Variants in LRRC41 observed in about 807,000 individuals in gnomAD.
The protein encoded by LRRC41 is leucine rich repeat containing 41.
Under a neutral mutation model 72.1 loss-of-function variants are expected in LRRC41, and 17 were observed. That is an observed-to-expected ratio of 0.24 (90% confidence interval 0.16 to 0.35). LRRC41 has a LOEUF of 0.35. Among genes scored for constraint, LRRC41 ranks in the 10% least tolerant of loss-of-function variants. The probability of loss-of-function intolerance (pLI) is 1.00; values close to 1 mark genes in which losing one functional copy is unlikely to be tolerated. For synonymous variants in LRRC41, 427 were observed against 431.0 expected (o/e 0.99, Z 0.11); for missense variants, 759 against 1,065.0 (o/e 0.71, Z 4.00).
chr1:46,293,711 A>C (rs537137651), intron 3 of LRRC41, among the ~76,000 whole-genome samples: 156 of 152,112 alleles, frequency 1.0e-3, no homozygotes, highest in African/African-American at 3.5e-3. Context: ...CTTGGATTAC[A>C]GGTGTGTGCC....
intron 3 of LRRC41, among the ~76,000 whole-genome samples, chr1:46,294,416 CTTTT>C (rs943874224): frequency 3.3e-5 from 5 of 151,624 alleles, no homozygotes; most frequent in Non-Finnish European, 7.4e-5. Context: ...CCCTTTCTTT[CTTTT>C]TTTAAGAGAC....
chr1:46,302,142 GC>G lies in LRRC41; in HGVS notation c.199+981del, dbSNP rs1460164764. 8.1e-5 allele frequency: 80 copies of G among 985,016 alleles called. No homozygotes were observed. Among genetic ancestry groups the G allele is most frequent in the Non-Finnish European group, 9.2e-5 (76 of 829,816 alleles). 61.0% of individuals were successfully genotyped at this position (985,016 alleles called of 1,614,324 possible). A position where few individuals can be genotyped will look rare whatever the true frequency, so the allele number is the denominator to read the frequency against. Reference sequence around the variant, plus strand: ...GCGCCCCAGGCCGCCCTCCATCCAGGCCCGGCCCTTTGGTCCCGGCCGCCTT... The same window carrying G: ...GCGCCCCAGGCCGCCCTCCATCCAGGCCGGCCCTTTGGTCCCGGCCGCCTT... On this transcript the variant is annotated intron_variant, in intron 1 of 9. Transcript: ENST00000617190. This position sits in a 1 kb window ranked among gnomAD's most constrained non-coding sequence, Gnocchi z 4.7.
chr1:46,303,162 A>T lies in LRRC41; in HGVS notation c.161T>A (p.Val54Glu). The change falls in exon 1 of 10, where the codon GTG becomes GAG. Residue 54 changes from valine (V) to glutamate (E), a missense_variant. This residue lies in a region of LRRC41 where 116 missense variants were observed against 250.9 expected (regional missense o/e 0.46). Coordinates refer to ENST00000617190, the MANE Select transcript of LRRC41 (RefSeq NM_006369.5). ...PALFELCGRAVSAHMGVLESG... is the reference protein window; with the variant it reads ...PALFELCGRAESAHMGVLESG... ...CTCCAGAACCCCCATATGGGCGCTC[A>T]CCGCCCGCCCGCACAGCTCGAACAG... is the stretch of plus-strand genomic sequence containing the variant. 6.5e-7 allele frequency: 1 copy of T among 1,538,456 alleles called. No individual in the cohort carries two copies. The highest frequency in any genetic ancestry group is 1.2e-5 in the South Asian group (1 of 82,886).
chr1:46,278,551 A>T lies in LRRC41; in HGVS notation c.*314T>A. The T allele has an allele frequency of 1.6e-6, 1 of 612,690 alleles. No homozygotes were observed. The highest frequency in any genetic ancestry group is 2.7e-5 in the East Asian group (1 of 36,422). 38.0% of individuals were successfully genotyped at this position (612,690 alleles called of 1,614,324 possible). A position where few individuals can be genotyped will look rare whatever the true frequency, so the allele number is the denominator to read the frequency against. ...TCTCTAAAGCCTGGGTGCCTGCTTG[A>T]GGAGGGAAGGCAGGAACCCAGGGGC... On this transcript the variant is annotated 3_prime_UTR_variant, in exon 10 of 10. Coordinates refer to ENST00000617190, the MANE Select transcript of LRRC41 (RefSeq NM_006369.5).
intron 3 of LRRC41, among the ~76,000 whole-genome samples, chr1:46,288,762 T>A (rs1231122112): frequency 6.6e-6 from 1 of 152,214 alleles, no homozygotes; most frequent in African/African-American, 2.4e-5. Flanking sequence ...TTGAAATAAC[T>A]GCATAGCAGC....
chr1:46,300,735 C>A (rs1249293145), intron 1 of LRRC41: 2 of 152,292 alleles, frequency 1.3e-5, no homozygotes, highest in Non-Finnish European at 2.9e-5. Context: ...CTCATTGTAC[C>A]CTTTCCTGCT....
intron 1 of LRRC41, 93 bp from the exon 2 acceptor site, chr1:46,298,463 T>C: frequency 2.8e-6 from 2 of 704,562 alleles, no homozygotes; most frequent in African/African-American, 1.8e-5. Flanking sequence ...GAAAGGAAAA[T>C]GGAAGGGTAG....
chr1:46,280,353 C>T (rs1200078270), intron 6 of LRRC41, 43 bp downstream of exon 6: 1 of 1,613,466 alleles, frequency 6.2e-7, no homozygotes, highest in Non-Finnish European at 8.5e-7. Context: ...AGTGCTAGGT[C>T]CCCACCTACT....
Position 46,278,510 on chromosome 1 carries a change from A to C in LRRC41, c.*355T>G. 1 of 638,406 alleles carries C rather than the reference A, an allele frequency of 1.6e-6. No individual in the cohort carries two copies. The allele number at this position is 638,406 out of a possible 1,614,324, so 39.5% of individuals were successfully genotyped here. A position where few individuals can be genotyped will look rare whatever the true frequency, so the allele number is the denominator to read the frequency against. On this transcript the variant is annotated 3_prime_UTR_variant, in exon 10 of 10. Transcript: ENST00000617190. Reference sequence around the variant, plus strand: ...AGCAGTGTGGTAAGCCCAGCAGGGAAGAAGCCCCCTATACTTCTCTAAAGC... The same window carrying C: ...AGCAGTGTGGTAAGCCCAGCAGGGACGAAGCCCCCTATACTTCTCTAAAGC...
chr1:46,278,677 T>C lies in LRRC41; in HGVS notation c.*188A>G. 1.6e-6 allele frequency: 1 copy of C among 634,732 alleles called. No homozygotes were observed. The highest frequency in any genetic ancestry group is 2.7e-6 in the Non-Finnish European group (1 of 366,730). The allele number at this position is 634,732 out of a possible 1,614,324, so 39.3% of individuals were successfully genotyped here. A position where few individuals can be genotyped will look rare whatever the true frequency, so the allele number is the denominator to read the frequency against. On this transcript the variant is annotated 3_prime_UTR_variant, in exon 10 of 10. Coordinates refer to ENST00000617190, the MANE Select transcript of LRRC41 (RefSeq NM_006369.5). ...GGGGCCCAAAGACTATAAACCCAGC[T>C]GTGAGAATGCCTGTTTGCTGGGCCT...
At chr1:46,284,583 G>A (rs1660846382) in intron 4 of LRRC41, among the ~76,000 whole-genome samples, 3 of 152,152 alleles carry the variant, frequency 2.0e-5, no homozygotes, top group South Asian at 2.1e-4. Flanking sequence ...ATTAGCCTTA[G>A]AAAGGATGGT....
chr1:46,291,679 C>T lies in LRRC41; in HGVS notation c.358-5180G>A, dbSNP rs1377148593. Among the ~76,000 whole-genome samples the T allele has an allele frequency of 2.0e-5, 3 of 151,060 alleles. No individual in the cohort carries two copies. In the East Asian group the frequency reaches 5.9e-4, roughly 30 times the overall value. ...GGCTCAAGTGATTCTCCTGCCTCAG[C>T]CTCTTGAGTAGCTGGGACTACAGGC... On this transcript the variant is annotated intron_variant, in intron 3 of 9. Coordinates refer to ENST00000617190, the MANE Select transcript of LRRC41 (RefSeq NM_006369.5).
intron 3 of LRRC41, among the ~76,000 whole-genome samples, chr1:46,294,872 T>A (rs957006058): frequency 1.3e-5 from 2 of 152,108 alleles, no homozygotes. Flanking sequence ...GCATTATAGG[T>A]GTGAGCCACT....
rs546481636 is a variant in LRRC41, at chr1:46,293,146, T to G, written c.357+4417A>C. On this transcript the variant is annotated intron_variant, in intron 3 of 9. Coordinates refer to ENST00000617190, the MANE Select transcript of LRRC41 (RefSeq NM_006369.5). ...TTGCAGTGAGCTGAGATCGCACCAC[T>G]GCACTCCAGCCTGGCGACAGAGCGA... Among the ~76,000 whole-genome samples the G allele has an allele frequency of 7.3e-5, 11 of 150,796 alleles. 1 individual carries two copies. The South Asian group carries it at 2.1e-3, about 29-fold the overall frequency.
chr1:46,300,048 A>T (rs2148327325), intron 1 of LRRC41: 1 of 152,290 alleles, frequency 6.6e-6, no homozygotes, highest in Middle Eastern at 3.4e-3. Context: ...CCAATCAAGA[A>T]CAAGTCAAAC....
chr1:46,292,579 G>C (rs1017583475), intron 3 of LRRC41, among the ~76,000 whole-genome samples: 3 of 152,060 alleles, frequency 2.0e-5, no homozygotes, highest in African/African-American at 7.2e-5. Flanking sequence ...GGTGAAATAG[G>C]GATTTTACTT....
chr1:46,285,667 T>A lies in LRRC41; in HGVS notation c.1190A>T (p.Lys397Met). The change falls in exon 4 of 10, where the codon AAG becomes ATG. Residue 397 changes from lysine (K) to methionine (M), a missense_variant. By Grantham distance (95) the Lys-to-Met change is moderately conservative. Around this residue, in one of 4 missense-constraint regions of LRRC41, gnomAD observed 427 missense variants for 520.9 expected, o/e 0.82. Coordinates refer to ENST00000617190, the MANE Select transcript of LRRC41 (RefSeq NM_006369.5). This position sits in a 1 kb window ranked among gnomAD's most constrained non-coding sequence, Gnocchi z 5.3. The stretch of plus-strand genomic sequence containing the variant: ...CCCCTGACGGGTGCGAGCACCCTTC[T>A]TCCCTGCAGCTCGCTTGAAACGCTT... ...PLKRFKRAAGKKGARTRQGPG... is the reference protein window; with the variant it reads ...PLKRFKRAAGMKGARTRQGPG... 1 of 1,614,100 alleles carries A rather than the reference T, an allele frequency of 6.2e-7. No individual in the cohort carries two copies. The highest frequency in any genetic ancestry group is 8.5e-7 in the Non-Finnish European group (1 of 1,179,960).
Position 46,285,895 on chromosome 1 carries a change from C to T in LRRC41, c.962G>A (p.Arg321Gln), listed in dbSNP as rs377504274. Reference sequence around the variant, plus strand: ...CTCCTGTGTGCTCCGGCGTGTTACCCGAGTGGCAGGTGCAGCTCTGGGCAT... The same window carrying T: ...CTCCTGTGTGCTCCGGCGTGTTACCTGAGTGGCAGGTGCAGCTCTGGGCAT... ...KQMPRAAPAT[R>Q]VTRRSTQESL... The change falls in exon 4 of 10, where the codon CGG becomes CAG. Residue 321 changes from arginine to glutamine, a missense_variant. Arg to Gln is a conservative substitution (Grantham distance 43). Coordinates refer to ENST00000617190, the MANE Select transcript of LRRC41 (RefSeq NM_006369.5). The surrounding 1 kb of genome is among the most constrained non-coding windows in gnomAD (Gnocchi z 5.3). 20 of 1,552,306 alleles carry T rather than the reference C, an allele frequency of 1.3e-5. No homozygotes were observed. Among genetic ancestry groups the T allele is most frequent in the African/African-American group, 5.5e-5 (4 of 72,674 alleles).
In LRRC41 at chr1:46,286,368, A is replaced by G. The variant is rs760089906; in HGVS notation, c.489T>C (p.His163=). 12 of 1,614,220 alleles carry G rather than the reference A, an allele frequency of 7.4e-6. No homozygotes were observed. The highest frequency in any genetic ancestry group is 3.3e-5 in the South Asian group (3 of 91,086). Residue 163 remains histidine (H), a synonymous_variant, in exon 4 of 10, where the codon CAT becomes CAC. Transcript: ENST00000617190. This position sits in a 1 kb window ranked among gnomAD's most constrained non-coding sequence, Gnocchi z 5.5. ...TGTTACAGATGGTGAGCTGTCGGAC[A>G]TGGCGGGAGCTGTGCAGAAGAGGTG... ...RFSPLLHSSR[H]VRQLTICNML...
Sources: allele counts gnomAD v4.1 joint callset (sites outside exome capture counted in the v4.1 genomes callset), GRCh38; gene constraint gnomAD v4.1.1; regional missense constraint gnomAD v4.1.1; non-coding constraint Gnocchi (gnomAD v3.1); transcripts MANE v1.5; gene names NCBI Gene and HGNC (gene_info 2026-07-23, HGNC 2026-07-21).